The following PHF2 variants were observed in gnomAD, a reference collection of about 807,000 sequenced individuals.
The protein encoded by PHF2 is PHD finger protein 2, also known as lysine-specific demethylase PHF2.
In PHF2, 27 loss-of-function variants were observed where a neutral mutation model predicts 120.5. That is an observed-to-expected ratio of 0.22 (90% confidence interval 0.17 to 0.31). PHF2 has a LOEUF of 0.31. Among genes scored for constraint, PHF2 ranks in the 10% least tolerant of loss-of-function variants. PHF2 has a pLI of 1.00. For synonymous variants in PHF2, 568 were observed against 592.5 expected, an observed-to-expected ratio of 0.96 and a Z score of 0.60; for missense variants, 1,024 against 1,434.8, an observed-to-expected ratio of 0.71 and a Z score of 4.63.
chr9:93,593,137 G>A (rs971000365), intron 1 of PHF2, among the ~76,000 whole-genome samples: 1 of 142,894 alleles, frequency 7.0e-6, no homozygotes, highest in African/African-American at 2.6e-5. Flanking sequence ...AAGAACAGAT[G>A]CTAAACTGTT....
At chr9:93,580,656 G>C (rs552895207) in intron 1 of PHF2, among the ~76,000 whole-genome samples, 1 of 152,222 alleles carries the variant, frequency 6.6e-6, no homozygotes, top group Non-Finnish European at 1.5e-5. Flanking sequence ...TGGACTGGAA[G>C]GGTTTTTGGA....
chr9:93,633,113 G>A (rs182978303), intron 2 of PHF2, among the ~76,000 whole-genome samples: 18 of 152,316 alleles, frequency 1.2e-4, no homozygotes, highest in African/African-American at 3.1e-4. Context: ...CCTAGCCTGC[G>A]GGTGGGGATG....
intron 3 of PHF2, among the ~76,000 whole-genome samples, chr9:93,639,380 T>C (rs959577531): frequency 5.9e-5 from 9 of 152,212 alleles, no homozygotes; most frequent in African/African-American, 1.9e-4. Flanking sequence ...TCATTGATAG[T>C]GTGTAGAAAT....
At chr9:93,617,567 C>A (rs1245531766) in intron 1 of PHF2, among the ~76,000 whole-genome samples, 1 of 152,176 alleles carries the variant, frequency 6.6e-6, no homozygotes, top group Admixed American at 6.5e-5. Context: ...GCCCCCGAAG[C>A]CTTTCAGCTT....
chr9:93,624,816 G>A (rs1196048514), intron 1 of PHF2, among the ~76,000 whole-genome samples: 3 of 150,884 alleles, frequency 2.0e-5, no homozygotes, highest in African/African-American at 7.3e-5. Context: ...TGGTGATGGT[G>A]ATGATGATGG....
chr9:93,613,960 T>C, intron 1 of PHF2, among the ~76,000 whole-genome samples: 1 of 152,174 alleles, frequency 6.6e-6, no homozygotes, highest in Non-Finnish European at 1.5e-5. Flanking sequence ...CTGGTGCTGC[T>C]GCCTCTACAC....
chr9:93,653,102 A>G, intron 5 of PHF2, 77 bp from the exon 6 acceptor site: 1 of 1,372,438 alleles, frequency 7.3e-7, no homozygotes, highest in Non-Finnish European at 1.0e-6. Flanking sequence ...CATGCCTCAC[A>G]GAACATGTTT....
At chr9:93,588,832 A>G (rs1863115002) in intron 1 of PHF2, among the ~76,000 whole-genome samples, 1 of 152,198 alleles carries the variant, frequency 6.6e-6, no homozygotes, top group Non-Finnish European at 1.5e-5. Context: ...CAGAAGTTGC[A>G]GTGAGCCGAA....
At chr9:93,592,113 G>A (rs1382035032) in intron 1 of PHF2, among the ~76,000 whole-genome samples, 3 of 152,192 alleles carry the variant, frequency 2.0e-5, no homozygotes, top group African/African-American at 7.2e-5. Flanking sequence ...CCCCAGTCCT[G>A]CCACCTTGTG....
chr9:93,585,592 A>G (rs905571716), intron 1 of PHF2, among the ~76,000 whole-genome samples: 18 of 152,214 alleles, frequency 1.2e-4, no homozygotes. Context: ...AGGCCACAGT[A>G]TTGGACAAAC....
At position 93,652,271 on chromosome 9, in the gene PHF2, C is replaced by G. The variant is rs117139400; in HGVS notation, c.603-908C>G. On this transcript the variant is annotated intron_variant, in intron 5 of 21. Transcript: ENST00000359246. ...TAGTGGCAGCTGAAATGTCACTGCA[C>G]GGGTGCTGTTGAGCTTGACTTTTTT... Among the ~76,000 whole-genome samples, 4 of 144,490 alleles carry G rather than the reference C, an allele frequency of 2.8e-5. No individual in the cohort carries two copies. In the South Asian group the frequency reaches 6.7e-4, roughly 24 times the overall value. 94.8% of individuals were successfully genotyped at this position (144,490 alleles called of 152,430 possible).
In PHF2 at chr9:93,622,748, C is replaced by T. The variant is rs1329085985; in HGVS notation, c.99-7222C>T. 5.3e-5 allele frequency among the ~76,000 whole-genome samples: 8 copies of T among 152,238 alleles called. No homozygotes were observed. The South Asian group carries it at 1.7e-3, about 32-fold the overall frequency. ...CTTCAGGGGGCTCCTGTCCAAAGGC[C>T]CTGTGAGGATCCTGGTGTCTCTAGC... On this transcript the variant is annotated intron_variant, in intron 1 of 21. Coordinates refer to ENST00000359246, the MANE Select transcript of PHF2 (RefSeq NM_005392.4).
At chr9:93,583,028 A>G (rs1862962505) in intron 1 of PHF2, among the ~76,000 whole-genome samples, 1 of 152,110 alleles carries the variant, frequency 6.6e-6, no homozygotes, top group South Asian at 2.1e-4. Context: ...CTCACTCCTA[A>G]AGTAAACCCG....
chr9:93,672,412 G>A (rs1208471848), intron 17 of PHF2: 1 of 351,502 alleles, frequency 2.8e-6, no homozygotes, highest in African/African-American at 5.3e-5. Context: ...GTGCAGGTGT[G>A]GGTGTGGGAG....
intron 18 of PHF2, 22 bp from the exon 19 acceptor site, chr9:93,674,905 C>T (rs749417801): frequency 3.8e-6 from 6 of 1,591,408 alleles, no homozygotes; most frequent in Non-Finnish European, 5.2e-6. Context: ...GCGGGCCACG[C>T]CTTCCCTCTG....
In PHF2 at chr9:93,677,813, CGTCT is replaced by C. The variant is rs144891060; in HGVS notation, c.*141_*144del. ...TCCCGGCTGCCATCTCCCCAACAAGCGTCTGTCCCTTCAGCCGGCAGAGCGAGCC... is the reference window on the plus strand; with the variant it reads ...TCCCGGCTGCCATCTCCCCAACAAGCGTCCCTTCAGCCGGCAGAGCGAGCC... On this transcript the variant is annotated 3_prime_UTR_variant, in exon 22 of 22. Transcript: ENST00000359246. This position sits in a 1 kb window ranked among gnomAD's most constrained non-coding sequence, Gnocchi z 4.4. The C allele has an allele frequency of 6.3e-3, 4,068 of 647,428 alleles. 92 individuals carry two copies. The highest frequency in any genetic ancestry group is 0.056 in the African/African-American group (3,086 of 54,672). 40.1% of individuals were successfully genotyped at this position (647,428 alleles called of 1,614,324 possible). A position where few individuals can be genotyped will look rare whatever the true frequency, so the allele number is the denominator to read the frequency against.
At position 93,676,774 on chromosome 9, in the gene PHF2, C is replaced by A; in HGVS notation, c.3013C>A (p.Gln1005Lys). 1 of 1,551,366 alleles carries A rather than the reference C, an allele frequency of 6.4e-7. No individual in the cohort carries two copies. Among genetic ancestry groups the A allele is most frequent in the East Asian group, 2.4e-5 (1 of 40,936 alleles). ...STSTASSQAS[Q>K]EGSSPEPPPE... is the part of the protein sequence containing the mutation. ...CAGCACGGCCAGCAGCCAGGCCTCG[C>A]AGGAGGGCAGCTCGCCAGAGCCCCC... The change falls in exon 21 of 22, where the codon CAG becomes AAG. Residue 1005 changes from glutamine to lysine, a missense_variant. Physicochemically the swap from Gln to Lys is moderately conservative, Grantham distance 53 (BLOSUM62 1). Coordinates refer to ENST00000359246, the MANE Select transcript of PHF2 (RefSeq NM_005392.4).
chr9:93,659,737 C>A, intron 11 of PHF2, 137 bp downstream of exon 11: 4 of 759,174 alleles, frequency 5.3e-6, no homozygotes, highest in Non-Finnish European at 8.8e-6. Flanking sequence ...GTCCTCCTTG[C>A]ACTTTCCTGG....
At chr9:93,595,543 T>C (rs964687986) in intron 1 of PHF2, among the ~76,000 whole-genome samples, 2 of 152,260 alleles carry the variant, frequency 1.3e-5, no homozygotes, top group African/African-American at 4.8e-5. Context: ...TGACCACTCA[T>C]TGGCCCAAAG....
Sources: allele counts gnomAD v4.1 joint callset (sites outside exome capture counted in the v4.1 genomes callset), GRCh38; gene constraint gnomAD v4.1.1; non-coding constraint Gnocchi (gnomAD v3.1); transcripts MANE v1.5; gene names NCBI Gene and HGNC (gene_info 2026-07-23, HGNC 2026-07-21).